The following RHOXF1 variants were observed in gnomAD, a reference collection of about 807,000 sequenced individuals.
RHOXF1 encodes the protein Rhox homeobox family member 1, also known as PEPP subfamily gene 1.
Under a neutral mutation model 9.7 loss-of-function variants are expected in RHOXF1, and 1 was observed. The observed-to-expected ratio is 0.10, with a 90% CI of 0.04 to 0.49. RHOXF1 has a LOEUF of 0.49. Among genes scored for constraint, RHOXF1 ranks in the 20% least tolerant of loss-of-function variants. RHOXF1 has a pLI of 0.95. For synonymous variants in RHOXF1, 72 were observed against 70.2 expected (o/e 1.03, Z -0.13); for missense variants, 179 against 168.0 (o/e 1.07, Z -0.36).
At chrX:120,115,429 T>C (rs782588443) in intron 1 of RHOXF1, 36 bp downstream of exon 1, 3 of 1,055,472 alleles carry the variant, frequency 2.8e-6, no homozygotes, top group Admixed American at 3.6e-5. Flanking sequence ...CGAAACGAAC[T>C]TGGAGATCTC....
At chrX:120,118,375 G>A (rs2057305131), upstream of RHOXF1, among the ~76,000 whole-genome samples, 1 of 111,747 alleles carries the variant, frequency 8.9e-6, no homozygotes, top group Admixed American at 9.4e-5. Flanking sequence ...AAGTAAACAT[G>A]TAGTTAGATA....
At chrX:120,119,175 T>C (rs921369415), upstream of RHOXF1, among the ~76,000 whole-genome samples, 16 of 112,249 alleles carry the variant, frequency 1.4e-4, no homozygotes, top group African/African-American at 4.5e-4. Context: ...ATTTGTGAAA[T>C]TGTATAATTA....
At chrX:120,112,066 C>T (rs2057267098) in intron 2 of RHOXF1, among the ~76,000 whole-genome samples, 1 of 111,289 alleles carries the variant, frequency 9.0e-6, no homozygotes, top group Non-Finnish European at 1.9e-5. Context: ...AAAGAAGGAC[C>T]AGGGGCTTGG....
intron 1 of RHOXF1, among the ~76,000 whole-genome samples, chrX:120,114,543 T>C (rs2057284813): frequency 1.8e-5 from 2 of 110,810 alleles, no homozygotes; most frequent in African/African-American, 6.6e-5. Context: ...AAGGGGTTAA[T>C]ATCCAGAGTG....
chrX:120,119,233 GT>G (rs782475174), upstream of RHOXF1, among the ~76,000 whole-genome samples: 1 of 111,867 alleles, frequency 8.9e-6, no homozygotes, highest in South Asian at 3.8e-4. Context: ...AGGTATGATT[GT>G]TATCTCCATT....
At chrX:120,115,109 G>A (rs1556000338) in intron 1 of RHOXF1, among the ~76,000 whole-genome samples, 1 of 111,602 alleles carries the variant, frequency 9.0e-6, no homozygotes, top group Non-Finnish European at 1.9e-5. Flanking sequence ...TAGAGACTTA[G>A]CTTGGCAAGA....
Position 120,115,586 on chromosome X carries a change from T to C in RHOXF1, c.277A>G (p.Met93Val), listed in dbSNP as rs880000723. Residue 93 changes from methionine to valine, a missense_variant, in exon 1 of 3, where the codon ATG becomes GTG. Physicochemically the swap from Met to Val is conservative, Grantham distance 21 (BLOSUM62 1). Transcript: ENST00000217999. ...ATGTTCTCGGGCTGCGGACCCTCCA[T>C]GGCCGCCTGGGCCGGCTCCTCCGGC... ...PPPEEPAQAA[M>V]EGPQPENMQP... 2.6e-6 allele frequency: 3 copies of C among 1,156,146 alleles called. No individual in the cohort carries two copies. The highest frequency in any genetic ancestry group is 2.4e-4 in the Middle Eastern group (1 of 4,083).
chrX:120,118,897 A>G (rs1343329466), upstream of RHOXF1, among the ~76,000 whole-genome samples: 1 of 111,783 alleles, frequency 8.9e-6, no homozygotes, highest in Non-Finnish European at 1.9e-5. Context: ...AATAAGATAT[A>G]TTAGGCCAAG....
intron 2 of RHOXF1, among the ~76,000 whole-genome samples, chrX:120,110,141 T>TA (rs782106883): frequency 1.3e-3 from 141 of 111,722 alleles, no homozygotes; most frequent in African/African-American, 4.4e-3. Context: ...GGGGATTGTT[T>TA]AAAAAATCCA....
intron 1 of RHOXF1, among the ~76,000 whole-genome samples, chrX:120,114,431 A>T (rs2057284384): frequency 9.0e-6 from 1 of 111,330 alleles, no homozygotes; most frequent in African/African-American, 3.3e-5. Flanking sequence ...CATAACTTGG[A>T]CTATATCAAA....
intron 2 of RHOXF1, among the ~76,000 whole-genome samples, chrX:120,112,496 C>CATATATGTGTATTCTATATTAT (rs2057273091): frequency 1.4e-5 from 1 of 72,889 alleles, no homozygotes; most frequent in African/African-American, 5.4e-5. Flanking sequence ...ATATATAATA[C>CATATATGTGTATTCTATATTAT]ACATATATGT....
At chrX:120,109,637 G>A (rs934174112) in intron 2 of RHOXF1, among the ~76,000 whole-genome samples, 2 of 107,946 alleles carry the variant, frequency 1.9e-5, no homozygotes, top group African/African-American at 3.4e-5. Context: ...CCTGGGCTGG[G>A]ATCCAGTGGT....
rs1556000454 is a variant in RHOXF1, at chrX:120,115,663, A to ATCATGCCGCCATCGCGGT, written c.182_199dup (p.Asn61_Met66dup). On this transcript the variant is annotated inframe_insertion, in exon 1 of 3. Transcript: ENST00000217999. ...CTGGTTTCCACCGCCGCCCTCGGGG[A>ATCATGCCGCCATCGCGGT]TCATGCCGCCATCGCGGTTCATGCC... 1 of 1,194,703 alleles carries ATCATGCCGCCATCGCGGT rather than the reference A, an allele frequency of 8.4e-7. No individual in the cohort carries two copies. The highest frequency in any genetic ancestry group is 2.2e-5 in the Admixed American group (1 of 44,549).
upstream of RHOXF1, chrX:120,119,435 G>A (rs1013651540): frequency 4.5e-5 from 5 of 111,315 alleles, no homozygotes; most frequent in African/African-American, 1.6e-4. Context: ...AGGTACTTAA[G>A]GTTTTCAAGA....
Position 120,115,713 on chromosome X carries a change from A to G in RHOXF1, c.150T>C (p.Pro50=). 1 of 1,209,326 alleles carries G rather than the reference A, an allele frequency of 8.3e-7. No homozygotes were observed. Among genetic ancestry groups the G allele is most frequent in the Non-Finnish European group, 1.1e-6 (1 of 895,020 alleles). The part of the protein sequence containing the change: ...GAPGLMGNMN[P]EGGVNHENGM... ...CGTTCTCGTGGTTCACACCGCCCTC[A>G]GGGTTCATATTACCCATGAGGCCTG... is the stretch of plus-strand genomic sequence containing the variant. The change falls in exon 1 of 3, where the codon CCT becomes CCC. Residue 50 remains proline (P), a synonymous_variant. Transcript: ENST00000217999.
chrX:120,109,368 A>G, intron 2 of RHOXF1, 66 bp from the exon 3 acceptor site: 1 of 612,305 alleles, frequency 1.6e-6, no homozygotes, highest in Middle Eastern at 3.4e-4. Context: ...ATAGAAAAAC[A>G]CAGGATGCAA....
intron 2 of RHOXF1, among the ~76,000 whole-genome samples, chrX:120,112,460 TA>T (rs2057271437): frequency 1.7e-3 from 115 of 67,377 alleles, no homozygotes; most frequent in African/African-American, 4.9e-3. Flanking sequence ...CACATATGTA[TA>T]ATATATAATA....
upstream of RHOXF1, among the ~76,000 whole-genome samples, chrX:120,117,235 AACAG>A (rs1389044393): frequency 9.0e-6 from 1 of 110,931 alleles, no homozygotes; most frequent in Non-Finnish European, 1.9e-5. Flanking sequence ...CAGCCTGGGC[AACAG>A]ACAGAGGCCC....
In RHOXF1 at chrX:120,115,103, G is replaced by A. The variant is rs782578491; in HGVS notation, c.398+362C>T. On this transcript the variant is annotated intron_variant, in intron 1 of 2. Transcript: ENST00000217999. ...AGGGGAGTTGCTTAACTGGTATAGA[G>A]ACTTAGCTTGGCAAGATGAGAAGAA... Among the ~76,000 whole-genome samples, 8 of 111,561 alleles carry A rather than the reference G, an allele frequency of 7.2e-5. No individual in the cohort carries two copies. In the South Asian group the frequency reaches 1.9e-3, roughly 26 times the overall value.
Sources: allele counts gnomAD v4.1 joint callset (sites outside exome capture counted in the v4.1 genomes callset), GRCh38; gene constraint gnomAD v4.1.1; transcripts MANE v1.5; gene names NCBI Gene and HGNC (gene_info 2026-07-23, HGNC 2026-07-21).